Variants in SEMA4D observed in about 807,000 individuals in gnomAD.
SEMA4D encodes semaphorin 4D.
A neutral mutation model predicts 74.8 loss-of-function variants in SEMA4D; 22 were observed. The ratio of observed to expected loss-of-function variants is 0.29; its 90% CI spans 0.21 to 0.42. The LOEUF is 0.42. Ranked by LOEUF, SEMA4D falls within the 10% of genes least tolerant of loss-of-function variation. The probability of loss-of-function intolerance (pLI) is 1.00; values close to 1 mark genes in which losing one functional copy is unlikely to be tolerated. For synonymous variants in SEMA4D, 445 were observed against 463.7 expected (o/e 0.96, Z 0.52); for missense variants, 937 against 1,118.4 (o/e 0.84, Z 2.31).
At chr9:89,418,576 C>T (rs1378003304) in intron 2 of SEMA4D, 8 of 281,340 alleles carry the variant, frequency 2.8e-5, no homozygotes, top group African/African-American at 4.6e-5. Context: ...TGTTCATCTT[C>T]CTTTATTTTT....
chr9:89,384,105 G>A (rs1283962500), intron 13 of SEMA4D, among the ~76,000 whole-genome samples: 3 of 152,178 alleles, frequency 2.0e-5, no homozygotes, highest in Non-Finnish European at 4.4e-5. Flanking sequence ...CAGCCTACTC[G>A]GTGGGCTCAG....
At position 89,384,737 on chromosome 9, in the gene SEMA4D, A is replaced by G. The variant is rs553569423; in HGVS notation, c.1446+1630T>C. 7.1e-6 allele frequency: 7 copies of G among 985,420 alleles called. No individual in the cohort carries two copies. In the South Asian group the frequency reaches 2.3e-4, roughly 33 times the overall value. The allele number at this position is 985,420 out of a possible 1,614,324, so 61.0% of individuals were successfully genotyped here. On this transcript the variant is annotated intron_variant, in intron 13 of 15. Transcript: ENST00000422704. ...AGGCACAGCGCACCTCCCCAGCTGT[A>G]GGACAGGGGGAGGGCGTGGTACTGG... is the stretch of plus-strand genomic sequence containing the variant.
intron 1 of SEMA4D, among the ~76,000 whole-genome samples, chr9:89,491,678 C>T (rs1825640526): frequency 6.6e-6 from 1 of 152,176 alleles, no homozygotes; most frequent in African/African-American, 2.4e-5. Flanking sequence ...GCCGCTGGTG[C>T]GGGGACCACT....
intron 5 of SEMA4D, 45 bp downstream of exon 5, chr9:89,399,231 G>T: frequency 6.5e-7 from 1 of 1,527,904 alleles, no homozygotes; most frequent in Non-Finnish European, 9.1e-7. Flanking sequence ...AAACAACCAA[G>T]AAATACTTGA....
At chr9:89,389,747 CAG>C (rs1839389964) in intron 9 of SEMA4D, among the ~76,000 whole-genome samples, 1 of 152,232 alleles carries the variant, frequency 6.6e-6, no homozygotes, top group East Asian at 1.9e-4. Context: ...ATTTTGGACA[CAG>C]GGAAAATGTT....
chr9:89,419,400 C>A (rs1488312556), intron 2 of SEMA4D, among the ~76,000 whole-genome samples: 1 of 152,156 alleles, frequency 6.6e-6, no homozygotes, highest in African/African-American at 2.4e-5. Context: ...AGCATTTGGG[C>A]ACAACTGCTG....
chr9:89,433,834 G>C (rs999768012), intron 2 of SEMA4D, among the ~76,000 whole-genome samples: 29 of 152,162 alleles, frequency 1.9e-4, no homozygotes, highest in African/African-American at 7.0e-4. Flanking sequence ...AAAGCCTCTG[G>C]ATGCTGGTAC....
At chr9:89,488,062 T>C (rs1309445839) in intron 1 of SEMA4D, among the ~76,000 whole-genome samples, 2 of 152,160 alleles carry the variant, frequency 1.3e-5, no homozygotes, top group Non-Finnish European at 2.9e-5. Flanking sequence ...TGAAGCAAAA[T>C]TGTCATGCTA....
intron 16 of SEMA4D, chr9:89,364,505 C>T (rs1022416301): frequency 1.1e-5 from 2 of 185,442 alleles, no homozygotes; most frequent in Non-Finnish European, 2.3e-5. Context: ...CTGGAGAGCT[C>T]AGACCCTGGC....
intron 2 of SEMA4D, among the ~76,000 whole-genome samples, chr9:89,455,087 C>T (rs1052849211): frequency 6.6e-6 from 1 of 152,256 alleles, no homozygotes; most frequent in South Asian, 2.1e-4. Context: ...GGGTCATAGC[C>T]TACAACAATA....
chr9:89,383,055 G>C (rs1837529497), intron 13 of SEMA4D, among the ~76,000 whole-genome samples: 1 of 152,236 alleles, frequency 6.6e-6, no homozygotes, highest in African/African-American at 2.4e-5. Context: ...CAGAGACCAA[G>C]GGATGACTGT....
chr9:89,422,298 C>T (rs992450584), intron 2 of SEMA4D, among the ~76,000 whole-genome samples: 1 of 152,212 alleles, frequency 6.6e-6, no homozygotes, highest in East Asian at 1.9e-4. Flanking sequence ...ACAGTCACTA[C>T]TGGAGGGTGT....
At chr9:89,373,690 C>T (rs1835418471), downstream of SEMA4D, among the ~76,000 whole-genome samples, 2 of 152,172 alleles carry the variant, frequency 1.3e-5, no homozygotes. Flanking sequence ...AAAGAAAAAC[C>T]CAGCCAAGTT....
chr9:89,400,091 G>C (rs141439480), intron 4 of SEMA4D, among the ~76,000 whole-genome samples: 206 of 149,878 alleles, frequency 1.4e-3, no homozygotes, highest in African/African-American at 4.8e-3. Context: ...TCAGTAGAAA[G>C]GGAGATTTAC....
chr9:89,423,631 G>A (rs1454233000), intron 2 of SEMA4D, among the ~76,000 whole-genome samples: 1 of 152,038 alleles, frequency 6.6e-6, no homozygotes, highest in East Asian at 1.9e-4. Flanking sequence ...AGATTCCCAT[G>A]CTGCCACATC....
intron 6 of SEMA4D, among the ~76,000 whole-genome samples, chr9:89,396,447 C>G (rs35864159): frequency 0.15 from 23,452 of 152,270 alleles, 2,409 homozygotes; most frequent in Non-Finnish European, 0.22. Context: ...CCCTCCATGG[C>G]ATGCTCTGCA....
intron 2 of SEMA4D, among the ~76,000 whole-genome samples, chr9:89,412,319 G>C (rs1444322379): frequency 6.6e-6 from 1 of 152,052 alleles, no homozygotes; most frequent in Non-Finnish European, 1.5e-5. Flanking sequence ...CCAAACCCAG[G>C]GATGGCAAAG....
intron 2 of SEMA4D, among the ~76,000 whole-genome samples, chr9:89,419,475 C>T (rs1846442667): frequency 6.6e-6 from 1 of 152,146 alleles, no homozygotes; most frequent in South Asian, 2.1e-4. Context: ...CACTTGTTTC[C>T]ACGAGGCCTT....
At chr9:89,450,318 C>G (rs1391201057) in intron 2 of SEMA4D, 2 of 920,718 alleles carry the variant, frequency 2.2e-6, no homozygotes, top group African/African-American at 3.2e-5. Context: ...CCCCTCCAAA[C>G]AGTATGGACT....
Sources: gnomAD v4.1 joint callset for allele counts (sites outside exome capture counted in the v4.1 genomes callset) on GRCh38, gnomAD v4.1.1 for gene constraint, MANE v1.5 for transcripts, NCBI Gene and HGNC (gene_info 2026-07-23, HGNC 2026-07-21) for gene names.